SUPT3H: variants seen among roughly 807,000 people sequenced by gnomAD.
The protein encoded by SUPT3H is SPT3 homolog, SAGA and STAGA complex component, also known as transcription initiation protein SPT3 homolog.
In SUPT3H, 44 loss-of-function variants were observed where a neutral mutation model predicts 44.3. The observed-to-expected ratio is 0.99, with a 90% CI of 0.78 to 1.28. The LOEUF (loss-of-function observed/expected upper bound fraction) is 1.28, where lower values mean the gene tolerates loss of function less well. SUPT3H is among the 50% of genes most tolerant of loss of function. The pLI is 0.00. For missense variants in SUPT3H, 380 were observed against 387.1 expected, an observed-to-expected ratio of 0.98 and a Z score of 0.15; for synonymous variants, 124 against 125.6, an observed-to-expected ratio of 0.99 and a Z score of 0.09.
At chr6:44,878,784 G>A (rs986770254) in intron 10 of SUPT3H, among the ~76,000 whole-genome samples, 3 of 152,132 alleles carry the variant, frequency 2.0e-5, no homozygotes, top group Non-Finnish European at 2.9e-5. Flanking sequence ...GCAAGCCGAA[G>A]CAGGGTGGGG....
chr6:45,040,529 T>C (rs1788369908), intron 3 of SUPT3H, among the ~76,000 whole-genome samples: 1 of 152,206 alleles, frequency 6.6e-6, no homozygotes, highest in African/African-American at 2.4e-5. Context: ...AATTATATAC[T>C]TGCAAAGTCC....
Position 45,185,373 on chromosome 6 carries a change from G to A in SUPT3H, c.102-79367C>T, listed in dbSNP as rs1241875650. Among the ~76,000 whole-genome samples the A allele has an allele frequency of 2.6e-5, 4 of 152,160 alleles. No individual in the cohort carries two copies. The East Asian group carries it at 7.7e-4, about 29-fold the overall frequency. Reference sequence around the variant, plus strand: ...ACCCTTGGTGTTACTGATGCCCAATGGAAGCTGGGTCTCCATACCTACCCA... The same window carrying A: ...ACCCTTGGTGTTACTGATGCCCAATAGAAGCTGGGTCTCCATACCTACCCA... On this transcript the variant is annotated intron_variant, in intron 2 of 10. Transcript: ENST00000371459.
chr6:45,038,640 C>G (rs4711810), intron 3 of SUPT3H, among the ~76,000 whole-genome samples: 1 of 152,140 alleles, frequency 6.6e-6, no homozygotes, highest in South Asian at 2.1e-4. Flanking sequence ...GGTTGTTATA[C>G]TGTTTGAAGT....
intron 2 of SUPT3H, among the ~76,000 whole-genome samples, chr6:45,317,907 T>C (rs1203796653): frequency 6.6e-6 from 1 of 152,038 alleles, no homozygotes; most frequent in African/African-American, 2.4e-5. Context: ...GAAACAAGCA[T>C]ACAGAATGAG....
rs186283479 is a variant in SUPT3H at position 45,096,737 on chromosome 6, T to A, written c.186+9185A>T. Among the ~76,000 whole-genome samples the A allele has an allele frequency of 9.9e-3, 1,501 of 152,288 alleles. 15 individuals are homozygous for A. Among genetic ancestry groups the A allele is most frequent in the Non-Finnish European group, 0.012 (845 of 68,012 alleles). ...ATAATCTAAAAAATGTCCATCATCC[T>A]TGGTAGTTGATATTCAACAAAATAT... On this transcript the variant is annotated intron_variant, in intron 3 of 10. Coordinates refer to ENST00000371459, the MANE Select transcript of SUPT3H (RefSeq NM_003599.4).
intron 10 of SUPT3H, among the ~76,000 whole-genome samples, chr6:44,889,962 C>G (rs1418813812): frequency 1.3e-5 from 2 of 151,212 alleles, no homozygotes; most frequent in Non-Finnish European, 3.0e-5. Flanking sequence ...CATGAACAGA[C>G]ACTTCTCAAA....
At chr6:45,368,971 AAAT>A (rs982987518) in intron 1 of SUPT3H, among the ~76,000 whole-genome samples, 2 of 150,400 alleles carry the variant, frequency 1.3e-5, no homozygotes, top group Non-Finnish European at 3.0e-5. Context: ...CTGATGTGAA[AAAT>A]AATACCAAAT....
At chr6:44,826,119 G>A (rs543485822), downstream of SUPT3H, among the ~76,000 whole-genome samples, 3 of 152,186 alleles carry the variant, frequency 2.0e-5, no homozygotes, top group South Asian at 6.2e-4. Context: ...TTCTTTAAGA[G>A]ATACGACTTT....
intron 3 of SUPT3H, among the ~76,000 whole-genome samples, chr6:45,023,144 G>A (rs1785415238): frequency 6.6e-6 from 1 of 151,834 alleles, no homozygotes; most frequent in Admixed American, 6.6e-5. Flanking sequence ...CGACATAGAT[G>A]TGGCCAACAA....
intron 2 of SUPT3H, among the ~76,000 whole-genome samples, chr6:45,347,510 C>T (rs1000062947): frequency 6.6e-6 from 1 of 152,100 alleles, no homozygotes; most frequent in Middle Eastern, 3.4e-3. Flanking sequence ...TTGAGAAAAA[C>T]AAAATCTGAC....
At chr6:45,368,225 T>G (rs1039182652) in intron 1 of SUPT3H, among the ~76,000 whole-genome samples, 1 of 152,166 alleles carries the variant, frequency 6.6e-6, no homozygotes, top group Non-Finnish European at 1.5e-5. Context: ...GATTGGGACC[T>G]AGATTATTTC....
intron 10 of SUPT3H, among the ~76,000 whole-genome samples, chr6:44,834,444 C>CTGTT (rs1325708031): frequency 2.0e-5 from 3 of 152,106 alleles, no homozygotes; most frequent in South Asian, 2.1e-4. Flanking sequence ...TGAGATGCCA[C>CTGTT]TGTTAGGAGC....
At chr6:45,142,476 T>C (rs1285020) in intron 2 of SUPT3H, among the ~76,000 whole-genome samples, 132,683 of 151,956 alleles carry the variant, frequency 0.87, 58,199 homozygotes, top group African/African-American at 0.92. Flanking sequence ...GTGGCTCACG[T>C]CTGTAATTCC....
At chr6:45,155,958 T>C (rs1807747088) in intron 2 of SUPT3H, among the ~76,000 whole-genome samples, 1 of 152,104 alleles carries the variant, frequency 6.6e-6, no homozygotes. Context: ...AAATAATTCA[T>C]CTAACGTTCA....
intron 6 of SUPT3H, among the ~76,000 whole-genome samples, chr6:44,973,145 T>C (rs1376701713): frequency 6.6e-6 from 1 of 152,202 alleles, no homozygotes; most frequent in East Asian, 1.9e-4. Context: ...TAAGTTCCAA[T>C]TCCAAAGTGT....
chr6:45,261,485 T>TAC (rs1774353769), intron 2 of SUPT3H, among the ~76,000 whole-genome samples: 1 of 150,640 alleles, frequency 6.6e-6, no homozygotes, highest in African/African-American at 2.4e-5. Flanking sequence ...AAAAAACACA[T>TAC]GATCATCTCC....
At chr6:44,825,453 A>T (rs1204585164), downstream of SUPT3H, among the ~76,000 whole-genome samples, 1 of 152,170 alleles carries the variant, frequency 6.6e-6, no homozygotes, top group South Asian at 2.1e-4. Flanking sequence ...ACGTTGTGTA[A>T]CAGTGGTTAA....
At chr6:45,098,825 A>C (rs1428659710) in intron 3 of SUPT3H, 1 of 544,658 alleles carries the variant, frequency 1.8e-6, no homozygotes, top group Non-Finnish European at 3.6e-6. Flanking sequence ...GCTTTCATCC[A>C]GGTTTCCACA....
At chr6:45,039,799 A>T (rs2153529045) in intron 3 of SUPT3H, among the ~76,000 whole-genome samples, 1 of 150,938 alleles carries the variant, frequency 6.6e-6, no homozygotes, top group South Asian at 2.1e-4. Flanking sequence ...AAAGAAAAAA[A>T]CAAAAACAAA....
Sources: allele counts gnomAD v4.1 joint callset (sites outside exome capture counted in the v4.1 genomes callset), GRCh38; gene constraint gnomAD v4.1.1; transcripts MANE v1.5; gene names NCBI Gene and HGNC (gene_info 2026-07-23, HGNC 2026-07-21).